SF1: variants seen among roughly 807,000 people sequenced by gnomAD.
SF1 encodes splicing factor 1, also known as branch point-binding protein.
Under a neutral mutation model 62.5 loss-of-function variants are expected in SF1, and 7 were observed. The observed-to-expected ratio is 0.11, with a 90% CI of 0.06 to 0.21. The LOEUF is 0.21. Ranked by LOEUF, SF1 falls within the 10% of genes least tolerant of loss-of-function variation. SF1 has a pLI of 1.00. For synonymous variants in SF1, 394 were observed against 323.6 expected (o/e 1.22, Z -2.33); for missense variants, 578 against 884.0 (o/e 0.65, Z 4.39).
intron 2 of SF1, among the ~76,000 whole-genome samples, chr11:64,775,873 T>A (rs900110630): frequency 7.2e-5 from 11 of 152,196 alleles, no homozygotes; most frequent in African/African-American, 2.7e-4. Flanking sequence ...AATATCCCTT[T>A]CCCAGCAGAG....
At chr11:64,772,803 G>GAA in intron 3 of SF1, 2 of 781,904 alleles carry the variant, frequency 2.6e-6, no homozygotes, top group Non-Finnish European at 3.1e-6. Flanking sequence ...TCCCTTTAAG[G>GAA]AAAAAAAAAA....
chr11:64,775,264 T>G (rs927073807), intron 2 of SF1, among the ~76,000 whole-genome samples: 2 of 152,204 alleles, frequency 1.3e-5, no homozygotes, highest in Non-Finnish European at 2.9e-5. Flanking sequence ...TAAATAGTCC[T>G]TAGGGCCCAG....
At chr11:64,777,448 CAA>C (rs1324255266) in intron 1 of SF1, 1 of 968,682 alleles carries the variant, frequency 1.0e-6, no homozygotes, top group Non-Finnish European at 1.2e-6. Flanking sequence ...ATTCTCTCCC[CAA>C]AAGAGACCAA....
At chr11:64,777,941 G>A in intron 1 of SF1, 1 of 982,436 alleles carries the variant, frequency 1.0e-6, no homozygotes, top group East Asian at 1.1e-4. Context: ...TCAGGCGGCC[G>A]GGCCCGTCCG....
Position 64,769,948 on chromosome 11 carries a change from A to C in SF1, c.479+16T>G. 1 of 1,587,864 alleles carries C rather than the reference A, an allele frequency of 6.3e-7. No individual in the cohort carries two copies. Among genetic ancestry groups the C allele is most frequent in the Non-Finnish European group, 8.6e-7 (1 of 1,156,228 alleles). On this transcript the variant is annotated intron_variant, in intron 5 of 12. Transcript: ENST00000377390. ...TCTAAAGGAATTCTATATCCTATAG[A>C]CCAGCAGTTACTCACCTGGGCCCGA...
intron 3 of SF1, chr11:64,771,382 TAGTAGCA>T (rs1405600716): frequency 5.3e-5 from 44 of 834,528 alleles, no homozygotes; most frequent in African/African-American, 1.1e-4. Context: ...AATGAAAATT[TAGTAGCA>T]GCTGCAAGAA....
intron 2 of SF1, among the ~76,000 whole-genome samples, chr11:64,774,869 G>A (rs1938909164): frequency 1.3e-5 from 2 of 151,622 alleles, no homozygotes; most frequent in South Asian, 4.2e-4. Context: ...GCTGAGGTGG[G>A]AGAATCACTT....
intron 1 of SF1, chr11:64,778,132 TGGA>T (rs1187236452): frequency 3.9e-6 from 3 of 759,560 alleles, no homozygotes; most frequent in Non-Finnish European, 4.9e-6. Context: ...ACGGTGGCGG[TGGA>T]GGCGGCGGCG....
chr11:64,776,462 T>C (rs1374868022), intron 2 of SF1, 36 bp downstream of exon 2: 9 of 1,566,896 alleles, frequency 5.7e-6, no homozygotes, highest in Non-Finnish European at 7.8e-6. Flanking sequence ...ATCGTAACAA[T>C]CTCAAAGTGC....
At chr11:64,777,453 G>C in intron 1 of SF1, 1 of 969,478 alleles carries the variant, frequency 1.0e-6, no homozygotes, top group Non-Finnish European at 1.2e-6. Flanking sequence ...CTCCCCAAAA[G>C]AGACCAAGAA....
intron 1 of SF1, chr11:64,777,516 C>A: frequency 1.0e-6 from 1 of 985,496 alleles, no homozygotes; most frequent in Non-Finnish European, 1.2e-6. Context: ...GGATGAAAAC[C>A]CTGCCTTGCT....
At chr11:64,767,881 C>A (rs1443395387) in intron 9 of SF1, 37 bp from the exon 10 acceptor site, 2 of 1,599,600 alleles carry the variant, frequency 1.3e-6, no homozygotes, top group East Asian at 2.2e-5. Context: ...TCCCTGCCTG[C>A]GCCTCCTAGT....
chr11:64,766,848 C>A, intron 12 of SF1, 52 bp downstream of exon 12: 1 of 888,550 alleles, frequency 1.1e-6, no homozygotes, highest in South Asian at 2.0e-5. Context: ...TGGTTCCTGT[C>A]AGCCCCACCC....
intron 1 of SF1, chr11:64,778,072 G>C: frequency 2.0e-6 from 2 of 985,918 alleles, no homozygotes; most frequent in Non-Finnish European, 2.4e-6. Flanking sequence ...CGCGCTGGTA[G>C]AGCGGCGGCG....
intron 8 of SF1, 34 bp downstream of exon 8, chr11:64,768,988 G>T (rs768653880): frequency 4.8e-6 from 7 of 1,446,560 alleles, no homozygotes; most frequent in Admixed American, 1.7e-5. Flanking sequence ...GCACATCGCA[G>T]GCTACCAGGA....
At position 64,765,500 on chromosome 11, in the gene SF1, G is replaced by A. The variant is rs746220764; in HGVS notation, c.*318C>T. ...CCTCACTCTCATGGCTCGGGCCATC[G>A]CCGCCGCGGGGAGGGATCCTGGCGG... On this transcript the variant is annotated 3_prime_UTR_variant, in exon 13 of 13. Transcript: ENST00000377390. 9.9e-6 allele frequency: 16 copies of A among 1,610,462 alleles called. No individual in the cohort carries two copies. Among genetic ancestry groups the A allele is most frequent in the South Asian group, 4.4e-5 (4 of 90,700 alleles).
intron 2 of SF1, among the ~76,000 whole-genome samples, chr11:64,775,871 T>C (rs1196829840): frequency 6.6e-6 from 1 of 152,236 alleles, no homozygotes; most frequent in African/African-American, 2.4e-5. Flanking sequence ...GCAATATCCC[T>C]TTCCCAGCAG....
chr11:64,766,317 T>TG, intron 12 of SF1, 162 bp from the exon 13 acceptor site: 1 of 313,652 alleles, frequency 3.2e-6, no homozygotes, highest in African/African-American at 2.4e-5. Flanking sequence ...AGTGGAGGGG[T>TG]GGGCAGGACT....
rs757599355 is a variant in SF1, at chr11:64,767,232, C to G, written c.1362G>C (p.Thr454=). 6.2e-7 allele frequency: 1 copy of G among 1,614,064 alleles called. No homozygotes were observed. Among genetic ancestry groups the G allele is most frequent in the South Asian group, 1.1e-5 (1 of 91,086 alleles). ...GGCGATAGACCCCAGAGCCCACAGG[C>G]GTACTTCCCAGGTACTGATCTTGAT... ...PPPMDQYLGS[T]PVGSGVYRLH... is the part of the protein sequence containing the mutation. Residue 454 remains threonine (T), a synonymous_variant, in exon 11 of 13, where the codon ACG becomes ACC. Transcript: ENST00000377390.
Sources: allele counts gnomAD v4.1 joint callset (sites outside exome capture counted in the v4.1 genomes callset), GRCh38; gene constraint gnomAD v4.1.1; transcripts MANE v1.5; gene names NCBI Gene and HGNC (gene_info 2026-07-23, HGNC 2026-07-21).